Variants in DIAPH3 observed in about 807,000 individuals in gnomAD.
The protein encoded by DIAPH3 is protein diaphanous homolog 3.
DIAPH3 carries 117 observed loss-of-function variants against 144.3 expected under a neutral mutation model. That is an observed-to-expected ratio of 0.81 (90% CI 0.70 to 0.95). The LOEUF is 0.95. Ranked by LOEUF, DIAPH3 falls within the 40% of genes least tolerant of loss-of-function variation. The pLI, the probability that DIAPH3 is intolerant of heterozygous loss-of-function variation, is 0.00. For synonymous variants in DIAPH3, 519 were observed against 488.9 expected, an observed-to-expected ratio of 1.06 and a Z score of -0.81; for missense variants, 1,421 against 1,412.7, an observed-to-expected ratio of 1.01 and a Z score of -0.09.
chr13:59,963,104 T>C (rs1192507018), intron 17 of DIAPH3, among the ~76,000 whole-genome samples: 2 of 152,162 alleles, frequency 1.3e-5, no homozygotes, highest in Admixed American at 6.5e-5. Context: ...GAAACATCCA[T>C]TCTTTTAAGA....
At chr13:60,078,864 G>A (rs1352264035) in intron 4 of DIAPH3, among the ~76,000 whole-genome samples, 1 of 151,848 alleles carries the variant, frequency 6.6e-6, no homozygotes, top group African/African-American at 2.4e-5. Context: ...GATACTACTA[G>A]ACCTAAAATA....
chr13:59,673,757 G>T (rs888006697), intron 27 of DIAPH3, among the ~76,000 whole-genome samples: 1 of 152,126 alleles, frequency 6.6e-6, no homozygotes, highest in Non-Finnish European at 1.5e-5. Context: ...TAACAAAGCC[G>T]CAGTGCAAAC....
chr13:60,101,379 T>C (rs1472381987), intron 3 of DIAPH3, among the ~76,000 whole-genome samples: 1 of 152,160 alleles, frequency 6.6e-6, no homozygotes, highest in Non-Finnish European at 1.5e-5. Flanking sequence ...TTGGGTTGAT[T>C]CCTCTGACAC....
intron 27 of DIAPH3, among the ~76,000 whole-genome samples, chr13:59,679,490 C>G (rs1406591490): frequency 6.6e-6 from 1 of 152,118 alleles, no homozygotes; most frequent in Non-Finnish European, 1.5e-5. Flanking sequence ...CACCTCCTGT[C>G]TCTATGGTAA....
At chr13:59,887,823 G>T (rs2045550627) in intron 20 of DIAPH3, among the ~76,000 whole-genome samples, 2 of 151,828 alleles carry the variant, frequency 1.3e-5, no homozygotes, top group Admixed American at 6.6e-5. Context: ...TTATGATTGA[G>T]AATTTGTATA....
At chr13:59,882,727 C>T (rs770378667) in intron 20 of DIAPH3, among the ~76,000 whole-genome samples, 1 of 152,050 alleles carries the variant, frequency 6.6e-6, no homozygotes, top group East Asian at 1.9e-4. Context: ...AATTAGAATG[C>T]TAGAAGAAAT....
intron 21 of DIAPH3, among the ~76,000 whole-genome samples, chr13:59,864,350 C>T (rs969579067): frequency 1.3e-5 from 2 of 152,028 alleles, no homozygotes; most frequent in Non-Finnish European, 2.9e-5. Context: ...TAGCAAAGAT[C>T]CTTTATCTCA....
chr13:60,141,866 A>G (rs565060245), intron 1 of DIAPH3, among the ~76,000 whole-genome samples: 20 of 152,356 alleles, frequency 1.3e-4, no homozygotes, highest in African/African-American at 4.6e-4. Context: ...AATTTTAAAC[A>G]TGGGGAATTG....
At chr13:60,122,757 C>A (rs568888441) in intron 2 of DIAPH3, among the ~76,000 whole-genome samples, 23 of 151,760 alleles carry the variant, frequency 1.5e-4, no homozygotes, top group African/African-American at 5.3e-4. Context: ...GGCCCCTACA[C>A]TAAAAACAAG....
chr13:60,087,228 G>T (rs557366834), intron 4 of DIAPH3, among the ~76,000 whole-genome samples: 1 of 152,116 alleles, frequency 6.6e-6, no homozygotes, highest in Non-Finnish European at 1.5e-5. Flanking sequence ...ACAGAGGTTC[G>T]ACTGTATACA....
chr13:60,112,926 A>T (rs2058608262), intron 2 of DIAPH3, among the ~76,000 whole-genome samples: 1 of 152,236 alleles, frequency 6.6e-6, no homozygotes, highest in Admixed American at 6.5e-5. Context: ...TATATTGCTC[A>T]CAAAGAACCC....
At chr13:59,879,136 T>A in intron 21 of DIAPH3, 93 bp downstream of exon 21, 1 of 1,556,134 alleles carries the variant, frequency 6.4e-7, no homozygotes, top group Non-Finnish European at 8.7e-7. Context: ...AATGAGCACA[T>A]CAAAATAAAA....
At chr13:59,852,751 T>G (rs1265988668) in intron 22 of DIAPH3, among the ~76,000 whole-genome samples, 1 of 152,194 alleles carries the variant, frequency 6.6e-6, no homozygotes, top group Admixed American at 6.5e-5. Context: ...TTTGCAGTCG[T>G]TATGTTCTAA....
At chr13:59,757,452 G>C (rs1234862057) in intron 27 of DIAPH3, among the ~76,000 whole-genome samples, 3 of 135,382 alleles carry the variant, frequency 2.2e-5, no homozygotes, top group African/African-American at 8.6e-5. Flanking sequence ...CCAGGCTGGA[G>C]TGCAATGGCG....
intron 17 of DIAPH3, among the ~76,000 whole-genome samples, chr13:59,967,502 T>C (rs1456416619): frequency 3.3e-5 from 5 of 152,152 alleles, no homozygotes; most frequent in Non-Finnish European, 7.4e-5. Context: ...AGACCACAAG[T>C]AGACCTGTCT....
chr13:59,765,277 T>C (rs1201964108), intron 27 of DIAPH3, among the ~76,000 whole-genome samples: 1 of 152,188 alleles, frequency 6.6e-6, no homozygotes, highest in African/African-American at 2.4e-5. Context: ...GCCATTCTTG[T>C]TGAAGGATTT....
intron 27 of DIAPH3, among the ~76,000 whole-genome samples, chr13:59,762,560 T>G (rs1293552498): frequency 6.6e-6 from 1 of 152,182 alleles, no homozygotes; most frequent in Non-Finnish European, 1.5e-5. Flanking sequence ...TGCCAAGTAG[T>G]GTACCATAAT....
intron 27 of DIAPH3, among the ~76,000 whole-genome samples, chr13:59,706,376 T>C (rs1328337232): frequency 6.6e-6 from 1 of 152,108 alleles, no homozygotes; most frequent in Non-Finnish European, 1.5e-5. Context: ...AGAACACATA[T>C]AATACCAAAC....
chr13:59,847,960 C>A (rs1367567038), intron 22 of DIAPH3, among the ~76,000 whole-genome samples: 5 of 152,186 alleles, frequency 3.3e-5, no homozygotes, highest in African/African-American at 1.2e-4. Flanking sequence ...CCTTGACTTG[C>A]CCCTACATCG....
Sources: allele counts gnomAD v4.1 joint callset (sites outside exome capture counted in the v4.1 genomes callset), GRCh38; gene constraint gnomAD v4.1.1; transcripts MANE v1.5; gene names NCBI Gene and HGNC (gene_info 2026-07-23, HGNC 2026-07-21).